The following COL24A1 variants were observed in gnomAD, a reference collection of about 807,000 sequenced individuals.
COL24A1 encodes the protein collagen type XXIV alpha 1 chain.
A neutral mutation model predicts 253.9 loss-of-function variants in COL24A1; 224 were observed. That is an observed-to-expected ratio of 0.88 (90% CI 0.79 to 0.99). COL24A1 has a LOEUF of 0.99. Among genes scored for constraint, COL24A1 ranks in the 50% least tolerant of loss-of-function variants. The pLI is 0.00. For missense variants in COL24A1, 2,131 were observed against 2,068.5 expected (o/e 1.03, Z -0.59); for synonymous variants, 685 against 673.7 (o/e 1.02, Z -0.26).
intron 57 of COL24A1, among the ~76,000 whole-genome samples, chr1:85,738,640 G>T (rs973781083): frequency 6.6e-6 from 1 of 152,132 alleles, no homozygotes; most frequent in African/African-American, 2.4e-5. Flanking sequence ...CATTAAAAAC[G>T]CAAGAACATT....
At chr1:85,948,540 A>AAG (rs1481450115) in intron 24 of COL24A1, among the ~76,000 whole-genome samples, 2 of 149,884 alleles carry the variant, frequency 1.3e-5, no homozygotes, top group South Asian at 4.2e-4. Flanking sequence ...AAAAAAAAAA[A>AAG]AAAAAAAGAA....
chr1:86,003,186 T>G (rs1695604317), intron 19 of COL24A1, among the ~76,000 whole-genome samples: 1 of 152,138 alleles, frequency 6.6e-6, no homozygotes. Flanking sequence ...GAGAAACAGT[T>G]TTTGGTGTTA....
intron 24 of COL24A1, among the ~76,000 whole-genome samples, chr1:85,947,228 C>A (rs1327433933): frequency 1.3e-5 from 2 of 152,172 alleles, no homozygotes; most frequent in East Asian, 3.8e-4. Flanking sequence ...TAGAACTCAA[C>A]TGATCCTAGT....
At chr1:86,037,969 TA>T (rs1699162545) in intron 12 of COL24A1, among the ~76,000 whole-genome samples, 1 of 152,148 alleles carries the variant, frequency 6.6e-6, no homozygotes, top group African/African-American at 2.4e-5. Flanking sequence ...CAAAAAGTAT[TA>T]CAATTTTTAT....
Position 86,004,842 on chromosome 1 carries a change from C to T in COL24A1, c.2310+12309G>A, listed in dbSNP as rs142987527. Among the ~76,000 whole-genome samples the T allele has an allele frequency of 1.9e-3, 296 of 152,266 alleles. 1 individual carries two copies. Among genetic ancestry groups the T allele is most frequent in the Non-Finnish European group, 1.8e-3 (120 of 68,010 alleles). On this transcript the variant is annotated intron_variant, in intron 19 of 59. Transcript: ENST00000370571. ...TGGACTTTTTGTCACCAGGTCTGAA[C>T]AAATAAAAAGAGAAGTCACCACACT...
chr1:85,888,621 T>G (rs1212277516), intron 32 of COL24A1, among the ~76,000 whole-genome samples: 1 of 151,988 alleles, frequency 6.6e-6, no homozygotes, highest in Non-Finnish European at 1.5e-5. Flanking sequence ...ATATACATAA[T>G]AGGGAGAAAA....
intron 37 of COL24A1, among the ~76,000 whole-genome samples, chr1:85,861,717 C>T (rs1679170591): frequency 2.0e-5 from 3 of 152,046 alleles, no homozygotes; most frequent in Non-Finnish European, 4.4e-5. Context: ...TGTTCTTTTC[C>T]TGTAATTCGT....
At chr1:86,015,969 T>C (rs1039981872) in intron 19 of COL24A1, among the ~76,000 whole-genome samples, 2 of 150,220 alleles carry the variant, frequency 1.3e-5, no homozygotes, top group African/African-American at 4.9e-5. Flanking sequence ...CAAGTGATCA[T>C]CCTACCTCAG....
chr1:85,738,937 T>C (rs994848381), intron 57 of COL24A1, among the ~76,000 whole-genome samples: 12 of 152,090 alleles, frequency 7.9e-5, no homozygotes, highest in Non-Finnish European at 1.6e-4. Flanking sequence ...CCCTTGAGAG[T>C]TGCTGATTTA....
Position 85,907,236 on chromosome 1 carries a change from C to A in COL24A1, c.2736G>T (p.Gly912=). ...IGPLGLPGHV[G]ARGPPGSQGP... ...CTTGACTCCCAGGTGGTCCTCTTGC[C>A]CCCACATGACCCTATATGTTGTAAA... Residue 912 remains glycine, a synonymous_variant, in exon 28 of 60, where the codon GGG becomes GGT. Coordinates refer to ENST00000370571, the MANE Select transcript of COL24A1 (RefSeq NM_152890.7). 2 of 1,610,796 alleles carry A rather than the reference C, an allele frequency of 1.2e-6. No individual in the cohort carries two copies. The highest frequency in any genetic ancestry group is 1.1e-5 in the South Asian group (1 of 90,920).
intron 37 of COL24A1, among the ~76,000 whole-genome samples, chr1:85,856,431 G>A (rs569116944): frequency 9.7e-4 from 148 of 152,184 alleles, no homozygotes; most frequent in African/African-American, 3.4e-3. Flanking sequence ...CTTGATTTCT[G>A]CTTTAATTTC....
chr1:85,913,166 A>C (rs1685536655), intron 24 of COL24A1, among the ~76,000 whole-genome samples: 1 of 152,150 alleles, frequency 6.6e-6, no homozygotes, highest in Non-Finnish European at 1.5e-5. Flanking sequence ...TTTCATTCTG[A>C]GACAATCTAT....
intron 32 of COL24A1, among the ~76,000 whole-genome samples, chr1:85,879,952 T>G (rs1238744595): frequency 6.6e-6 from 1 of 152,212 alleles, no homozygotes; most frequent in East Asian, 1.9e-4. Context: ...CAGTAAATCT[T>G]GAAGTCAGTG....
chr1:86,081,943 C>T (rs560756928), intron 7 of COL24A1, among the ~76,000 whole-genome samples: 21 of 152,218 alleles, frequency 1.4e-4, no homozygotes, highest in African/African-American at 5.1e-4. Context: ...CAATGGTTTG[C>T]TCCTTTTAAA....
At position 85,842,393 on chromosome 1, in the gene COL24A1, C is replaced by T. The variant is rs184448337; in HGVS notation, c.3463G>A (p.Gly1155Arg). The T allele has an allele frequency of 1.9e-6, 3 of 1,592,814 alleles. No homozygotes were observed. Among genetic ancestry groups the T allele is most frequent in the Non-Finnish European group, 1.7e-6 (2 of 1,166,016 alleles). Residue 1155 changes from glycine (G) to arginine (R), a missense_variant and splice_region_variant, in exon 40 of 60, where the codon GGA becomes AGA. Physicochemically the swap from Gly to Arg is moderately radical, Grantham distance 125. Transcript: ENST00000370571. ...TCAGGTCCCATCAATCCTAAATGTC[C>T]CTGAAAAACAAAGTAAATATTAGTG... ...KGARGTRGAVGHLGLMGPDGE... is the reference protein window; with the variant it reads ...KGARGTRGAVRHLGLMGPDGE...
intron 47 of COL24A1, among the ~76,000 whole-genome samples, chr1:85,804,538 C>T (rs1204055715): frequency 1.3e-5 from 2 of 152,182 alleles, no homozygotes; most frequent in African/African-American, 2.4e-5. Context: ...ATTACAGTTC[C>T]ACATGGCTGG....
chr1:86,044,269 G>A (rs12743750), intron 12 of COL24A1, among the ~76,000 whole-genome samples: 10,722 of 152,158 alleles, frequency 0.07, 469 homozygotes, highest in Middle Eastern at 0.13. Context: ...GAAAGAATAA[G>A]GGGGCCATTT....
intron 53 of COL24A1, among the ~76,000 whole-genome samples, chr1:85,770,417 T>C (rs541040938): frequency 1.3e-5 from 2 of 152,086 alleles, no homozygotes; most frequent in Non-Finnish European, 2.9e-5. Context: ...GGTTTCAATC[T>C]CCCTCATTTT....
chr1:85,763,590 C>T (rs1320570763), intron 53 of COL24A1, among the ~76,000 whole-genome samples: 5 of 145,432 alleles, frequency 3.4e-5, no homozygotes, highest in Non-Finnish European at 6.0e-5. Flanking sequence ...CTCCCAGGTT[C>T]AAGTCATTCT....
Sources: allele counts gnomAD v4.1 joint callset (sites outside exome capture counted in the v4.1 genomes callset), GRCh38; gene constraint gnomAD v4.1.1; transcripts MANE v1.5; gene names NCBI Gene and HGNC (gene_info 2026-07-23, HGNC 2026-07-21).